The following MAML2 variants were observed in gnomAD, a reference collection of about 807,000 sequenced individuals.
MAML2 encodes mastermind like transcriptional coactivator 2.
A neutral mutation model predicts 96.1 loss-of-function variants in MAML2; 22 were observed. That is an observed-to-expected ratio of 0.23 (90% CI 0.16 to 0.33). The LOEUF (loss-of-function observed/expected upper bound fraction) is 0.33, where lower values mean the gene tolerates loss of function less well. MAML2 is among the 10% of genes least tolerant of loss of function. MAML2 has a pLI of 1.00. For missense variants in MAML2, 1,367 were observed against 1,392.4 expected (o/e 0.98, Z 0.29); for synonymous variants, 561 against 521.3 (o/e 1.08, Z -1.04).
At chr11:96,272,996 C>A (rs1460893012) in intron 1 of MAML2, among the ~76,000 whole-genome samples, 4 of 152,230 alleles carry the variant, frequency 2.6e-5, no homozygotes, top group Non-Finnish European at 5.9e-5. Flanking sequence ...CTTTTTCATT[C>A]CATAAACATT....
intron 2 of MAML2, among the ~76,000 whole-genome samples, chr11:96,011,705 C>G (rs541934224): frequency 6.6e-6 from 1 of 152,126 alleles, no homozygotes; most frequent in South Asian, 2.1e-4. Flanking sequence ...GCACATGTAC[C>G]CCTTGAATCT....
At chr11:96,322,604 A>G (rs1010207916) in intron 1 of MAML2, among the ~76,000 whole-genome samples, 4 of 152,140 alleles carry the variant, frequency 2.6e-5, no homozygotes, top group African/African-American at 9.7e-5. Context: ...AGCCAGGAGA[A>G]TGGCGTGAAC....
Position 96,268,888 on chromosome 11 carries a change from T to C in MAML2, c.513+72495A>G, listed in dbSNP as rs1283178027. ...GAGTCAATTAAAACTCTTTCCTTTA[T>C]AAATTACCCAGTCTTAAGTATGTCT... On this transcript the variant is annotated intron_variant, in intron 1 of 4. Transcript: ENST00000524717. 4.8e-5 allele frequency among the ~76,000 whole-genome samples: 7 copies of C among 144,902 alleles called. 1 individual carries two copies. The highest frequency in any genetic ancestry group is 1.9e-4 in the African/African-American group (7 of 37,832).
At chr11:96,002,477 G>A (rs1197796945) in intron 2 of MAML2, among the ~76,000 whole-genome samples, 1 of 152,160 alleles carries the variant, frequency 6.6e-6, no homozygotes, top group African/African-American at 2.4e-5. Flanking sequence ...GGAAAGAAAA[G>A]TTAGTGGTGA....
intron 2 of MAML2, among the ~76,000 whole-genome samples, chr11:96,058,314 T>TTTG: frequency 1.1e-5 from 1 of 89,674 alleles, no homozygotes; most frequent in Non-Finnish European, 2.6e-5. Flanking sequence ...TTGTTTGTTT[T>TTTG]GTTTTGCTTG....
At chr11:96,077,219 C>CTTTT (rs371672772) in intron 2 of MAML2, among the ~76,000 whole-genome samples, 20,521 of 93,778 alleles carry the variant, frequency 0.22, 3,125 homozygotes, top group African/African-American at 0.37. Context: ...CTCTCTCTCT[C>CTTTT]TTTTTTTTTT....
At chr11:96,129,459 T>C (rs989283096) in intron 1 of MAML2, among the ~76,000 whole-genome samples, 2 of 152,168 alleles carry the variant, frequency 1.3e-5, no homozygotes, top group African/African-American at 4.8e-5. Flanking sequence ...ACCACTGTTC[T>C]AGATCATTAC....
intron 1 of MAML2, among the ~76,000 whole-genome samples, chr11:96,292,169 C>T (rs544915587): frequency 6.6e-6 from 1 of 152,326 alleles, no homozygotes; most frequent in African/African-American, 2.4e-5. Flanking sequence ...GTTCCTCCCT[C>T]TTCTAGTAAT....
chr11:96,026,092 G>A (rs1272962482), intron 2 of MAML2, among the ~76,000 whole-genome samples: 1 of 152,146 alleles, frequency 6.6e-6, no homozygotes, highest in Non-Finnish European at 1.5e-5. Context: ...CCTCTAAGAG[G>A]TTGAGTAACT....
intron 2 of MAML2, among the ~76,000 whole-genome samples, chr11:96,016,315 G>T (rs1858351787): frequency 6.6e-6 from 1 of 152,040 alleles, no homozygotes; most frequent in Non-Finnish European, 1.5e-5. Context: ...GAGCAAAAAA[G>T]TGAAGGGGAG....
At position 95,979,986 on chromosome 11, in the gene MAML2, A is replaced by G. The variant is rs1857712139; in HGVS notation, c.2456-23T>C. 2.5e-6 allele frequency: 4 copies of G among 1,583,456 alleles called. No individual in the cohort carries two copies. In the East Asian group the frequency reaches 9.0e-5, roughly 35 times the overall value. ...CACCTGAGAAAAAGAAGAGAATTTT[A>G]TTAGTTCGTAGCAGCATGTTATCTC... On this transcript the variant is annotated intron_variant, in intron 4 of 4. Coordinates refer to ENST00000524717, the MANE Select transcript of MAML2 (RefSeq NM_032427.4).
intron 1 of MAML2, among the ~76,000 whole-genome samples, chr11:96,136,358 A>G (rs546117216): frequency 5.3e-5 from 8 of 152,324 alleles, no homozygotes; most frequent in African/African-American, 1.9e-4. Context: ...GTTGAAGTCA[A>G]TTAAGATAAC....
At chr11:96,277,328 T>C (rs189577395) in intron 1 of MAML2, among the ~76,000 whole-genome samples, 1 of 150,798 alleles carries the variant, frequency 6.6e-6, no homozygotes, top group Admixed American at 6.5e-5. Flanking sequence ...TCAGGGTATT[T>C]GGGGTATCTG....
chr11:96,048,688 G>A (rs1858945614), intron 2 of MAML2, among the ~76,000 whole-genome samples: 1 of 151,980 alleles, frequency 6.6e-6, no homozygotes, highest in Non-Finnish European at 1.5e-5. Context: ...CAGAACCAAA[G>A]TCTTTCTTTT....
intron 2 of MAML2, among the ~76,000 whole-genome samples, chr11:96,070,232 G>A (rs542972561): frequency 6.6e-6 from 1 of 152,224 alleles, no homozygotes; most frequent in South Asian, 2.1e-4. Flanking sequence ...AGAGCTTGCA[G>A]TGAGCTGAGA....
At chr11:95,986,289 C>G (rs573715177) in intron 3 of MAML2, among the ~76,000 whole-genome samples, 1 of 151,756 alleles carries the variant, frequency 6.6e-6, no homozygotes, top group Non-Finnish European at 1.5e-5. Context: ...ACTGCAACCT[C>G]TGCCTCCCTG....
At chr11:96,285,743 T>C (rs1863130149) in intron 1 of MAML2, among the ~76,000 whole-genome samples, 1 of 152,116 alleles carries the variant, frequency 6.6e-6, no homozygotes, top group Admixed American at 6.5e-5. Context: ...TCACTGATCA[T>C]TAGAGAAATG....
intron 2 of MAML2, among the ~76,000 whole-genome samples, chr11:96,024,129 G>A (rs1198662111): frequency 1.3e-5 from 2 of 152,178 alleles, no homozygotes; most frequent in Non-Finnish European, 2.9e-5. Flanking sequence ...AACCAGTGAG[G>A]GGAAGATCTA....
chr11:96,336,995 C>T (rs1468092237), intron 1 of MAML2, among the ~76,000 whole-genome samples: 1 of 152,154 alleles, frequency 6.6e-6, no homozygotes, highest in African/African-American at 2.4e-5. Flanking sequence ...GATAACATCA[C>T]CTTGATGTCA....
Sources: gnomAD v4.1 joint callset for allele counts (sites outside exome capture counted in the v4.1 genomes callset) on GRCh38, gnomAD v4.1.1 for gene constraint, MANE v1.5 for transcripts, NCBI Gene and HGNC (gene_info 2026-07-23, HGNC 2026-07-21) for gene names.